Variants in FBXL19 observed in about 807,000 individuals in gnomAD.
FBXL19 encodes the protein F-box/LRR-repeat protein 19.
Under a neutral mutation model 71.2 loss-of-function variants are expected in FBXL19, and 16 were observed. That is an observed-to-expected ratio of 0.22 (90% CI 0.15 to 0.34). The LOEUF (loss-of-function observed/expected upper bound fraction) is 0.34. FBXL19 is among the 10% of genes least tolerant of loss of function. The pLI, the probability that FBXL19 is intolerant of heterozygous loss-of-function variation, is 1.00. For synonymous variants in FBXL19, 447 were observed against 409.4 expected, an observed-to-expected ratio of 1.09 and a Z score of -1.11; for missense variants, 658 against 968.2, an observed-to-expected ratio of 0.68 and a Z score of 4.25.
chr16:30,926,677 TC>T (rs1205499996), intron 2 of FBXL19, among the ~76,000 whole-genome samples: 1 of 151,960 alleles, frequency 6.6e-6, no homozygotes, highest in Non-Finnish European at 1.5e-5. Context: ...TTTTCCTTTA[TC>T]CCCCAACCCC....
At chr16:30,928,053 G>T in intron 5 of FBXL19, 90 bp downstream of exon 5, 1 of 921,464 alleles carries the variant, frequency 1.1e-6, no homozygotes, top group Non-Finnish European at 1.6e-6. Flanking sequence ...GTGGGCCTGG[G>T]AGCGTGCTCT....
At chr16:30,940,241 A>G (rs1015540294) in intron 7 of FBXL19, among the ~76,000 whole-genome samples, 14 of 151,642 alleles carry the variant, frequency 9.2e-5, no homozygotes, top group African/African-American at 3.4e-4. Flanking sequence ...CTGGGCAACA[A>G]GAGCGAAACT....
chr16:30,944,650 C>A (rs1481949205), intron 9 of FBXL19, among the ~76,000 whole-genome samples: 2 of 152,168 alleles, frequency 1.3e-5, no homozygotes, highest in Non-Finnish European at 2.9e-5. Flanking sequence ...CATACACCTT[C>A]AAACTCTTGC....
intron 7 of FBXL19, among the ~76,000 whole-genome samples, chr16:30,931,751 GAGCCTCACTCTGTGGCCC>G (rs1459874515): frequency 6.6e-6 from 1 of 151,956 alleles, no homozygotes; most frequent in African/African-American, 2.4e-5. Flanking sequence ...TTTTAAGACG[GAGCCTCACTCTGTGGCCC>G]AGGTTAGAGT....
chr16:30,943,039 C>T (rs529656099), intron 9 of FBXL19, among the ~76,000 whole-genome samples: 7 of 152,336 alleles, frequency 4.6e-5, no homozygotes, highest in South Asian at 4.1e-4. Flanking sequence ...TGAGGGCAAG[C>T]GCTGGCTGGT....
chr16:30,946,146 G>C lies in FBXL19; in HGVS notation c.1628-584G>C, dbSNP rs1350707732. ...ACTCTTGATGGAACGTGAAGGAATC[G>C]GCATGTCACATGGCAAGACAGCAAG... is the stretch of plus-strand genomic sequence containing the variant. On this transcript the variant is annotated intron_variant, in intron 9 of 10. Transcript: ENST00000338343. This position sits in a 1 kb window ranked among gnomAD's most constrained non-coding sequence, Gnocchi z 6.7. Among the ~76,000 whole-genome samples the C allele has an allele frequency of 2.0e-5, 3 of 152,070 alleles. No homozygotes were observed. The highest frequency in any genetic ancestry group is 1.3e-4 in the Admixed American group (2 of 15,254).
In FBXL19 at chr16:30,928,535, C is replaced by G. The variant is rs755679850; in HGVS notation, c.696C>G (p.Asp232Glu). The G allele has an allele frequency of 8.1e-6, 13 of 1,608,586 alleles. No homozygotes were observed. The South Asian group carries it at 1.4e-4, about 18-fold the overall frequency. The change falls in exon 6 of 11, where the codon GAC becomes GAG. Residue 232 changes from aspartate (D) to glutamate (E), a missense_variant. Asp to Glu is a conservative substitution (Grantham distance 45). Coordinates refer to ENST00000338343, the MANE Select transcript of FBXL19 (RefSeq NM_001382779.1). ...GGDACLLRGS[D>E]PGGPGLLPPR... is the part of the protein sequence containing the mutation. ...ACGCCTGCCTCCTCCGAGGATCGGACCCAGGCGGCCCGGGCCTGCTGCCCC... is the reference window on the plus strand; with the variant it reads ...ACGCCTGCCTCCTCCGAGGATCGGAGCCAGGCGGCCCGGGCCTGCTGCCCC...
In FBXL19 at chr16:30,947,258, T is replaced by G; in HGVS notation, c.*28T>G. On this transcript the variant is annotated 3_prime_UTR_variant, in exon 11 of 11. Transcript: ENST00000338343. Reference sequence around the variant, plus strand: ...GGGCGCCCCCCACCCTCCCCCGGACTCGACAGGAGCCTGGACCTCCGGCTT... The same window carrying G: ...GGGCGCCCCCCACCCTCCCCCGGACGCGACAGGAGCCTGGACCTCCGGCTT... 1 of 1,494,992 alleles carries G rather than the reference T, an allele frequency of 6.7e-7. No homozygotes were observed. Among genetic ancestry groups the G allele is most frequent in the Non-Finnish European group, 9.0e-7 (1 of 1,116,328 alleles). 92.6% of individuals were successfully genotyped at this position (1,494,992 alleles called of 1,614,324 possible). A position where few individuals can be genotyped will look rare whatever the true frequency, so the allele number is the denominator to read the frequency against.
chr16:30,932,900 G>A (rs2055691143), intron 7 of FBXL19, among the ~76,000 whole-genome samples: 1 of 149,642 alleles, frequency 6.7e-6, no homozygotes, highest in African/African-American at 2.5e-5. Context: ...AAGTGCAGTG[G>A]CATGCTCTCG....
At chr16:30,931,284 A>G (rs1164817293) in intron 7 of FBXL19, among the ~76,000 whole-genome samples, 1 of 152,092 alleles carries the variant, frequency 6.6e-6, no homozygotes, top group Non-Finnish European at 1.5e-5. Context: ...CCCCTCATAG[A>G]GCAAGCAGAG....
At chr16:30,927,200 C>A in intron 2 of FBXL19, 108 bp from the exon 3 acceptor site, 1 of 1,175,432 alleles carries the variant, frequency 8.5e-7, no homozygotes, top group Non-Finnish European at 1.2e-6. Flanking sequence ...CCCAGCTTGA[C>A]CCGTGGGTGC....
chr16:30,948,375 A>G lies in FBXL19; in HGVS notation c.*1145A>G, dbSNP rs2055889686. On this transcript the variant is annotated 3_prime_UTR_variant, in exon 11 of 11. Transcript: ENST00000338343. ...CCCGATGCCAGTGCTAAGGCTGGAAATGGCCCCCTCTTAGTTGCCATGGGA... is the reference window on the plus strand; with the variant it reads ...CCCGATGCCAGTGCTAAGGCTGGAAGTGGCCCCCTCTTAGTTGCCATGGGA... 1.3e-5 allele frequency: 2 copies of G among 152,534 alleles called. No homozygotes were observed. The highest frequency in any genetic ancestry group is 1.3e-4 in the Admixed American group (2 of 15,294). The allele number at this position is 152,534 out of a possible 1,614,324, so 9.4% of individuals were successfully genotyped here. A position where few individuals can be genotyped will look rare whatever the true frequency, so the allele number is the denominator to read the frequency against.
rs1424025433 is a variant in FBXL19, at chr16:30,928,177, G to T, written c.627+214G>T. 6.6e-6 allele frequency among the ~76,000 whole-genome samples: 1 copy of T among 152,006 alleles called. No homozygotes were observed. Among genetic ancestry groups the T allele is most frequent in the Admixed American group, 6.6e-5 (1 of 15,266 alleles). The stretch of plus-strand genomic sequence containing the variant: ...CAGGTGAGGTGAGCTGGCACTGCAG[G>T]AAGCTTTGGGAGCCCTGGGTGGGTT... On this transcript the variant is annotated intron_variant, in intron 5 of 10. Transcript: ENST00000338343.
chr16:30,924,750 C>G, intron 1 of FBXL19: 1 of 1,490,930 alleles, frequency 6.7e-7, no homozygotes. Flanking sequence ...TGAAAGTCCC[C>G]GGAAAGGGGG....
intron 7 of FBXL19, among the ~76,000 whole-genome samples, chr16:30,935,583 C>T (rs549587756): frequency 2.6e-5 from 4 of 152,038 alleles, no homozygotes; most frequent in African/African-American, 4.8e-5. Context: ...TGATCATGGT[C>T]GGGTAGGGTC....
At chr16:30,945,849 GAAAAAA>G (rs11464927) in intron 9 of FBXL19, among the ~76,000 whole-genome samples, 36 of 86,828 alleles carry the variant, frequency 4.1e-4, no homozygotes, top group African/African-American at 1.3e-3. Flanking sequence ...CCGTCTCGGG[GAAAAAA>G]AAAAAAAAAA....
Position 30,942,119 on chromosome 16 carries a change from C to T in FBXL19, c.1305C>T (p.Cys435=). The part of the protein sequence containing the change: ...MRVCRTWSRW[C]YDKRLWPRMD... ...GTCTCCCCCCTATGGCCGCCAGGTGCTATGACAAGCGTCTGTGGCCTCGAA... is the reference window on the plus strand; with the variant it reads ...GTCTCCCCCCTATGGCCGCCAGGTGTTATGACAAGCGTCTGTGGCCTCGAA... Residue 435 remains cysteine, a synonymous_variant, in exon 8 of 11, where the codon TGC becomes TGT. Coordinates refer to ENST00000338343, the MANE Select transcript of FBXL19 (RefSeq NM_001382779.1). This position sits in a 1 kb window ranked among gnomAD's most constrained non-coding sequence, Gnocchi z 5.7. 10 of 1,578,554 alleles carry T rather than the reference C, an allele frequency of 6.3e-6. No homozygotes were observed. Among genetic ancestry groups the T allele is most frequent in the Non-Finnish European group, 8.6e-6 (10 of 1,157,736 alleles).
At position 30,930,730 on chromosome 16, in the gene FBXL19, C is replaced by T. The variant is rs2055663750; in HGVS notation, c.1301+146C>T. ...ATGCACAGATTACAGTGCATCCTTCCGTATTTCCCGTGTGCAGGCTACTTT... is the reference window on the plus strand; with the variant it reads ...ATGCACAGATTACAGTGCATCCTTCTGTATTTCCCGTGTGCAGGCTACTTT... On this transcript the variant is annotated intron_variant, in intron 7 of 10. Transcript: ENST00000338343. The surrounding 1 kb of genome is among the most constrained non-coding windows in gnomAD (Gnocchi z 8.5). The T allele has an allele frequency of 3.4e-6, 3 of 874,954 alleles. No homozygotes were observed. Among genetic ancestry groups the T allele is most frequent in the East Asian group, 3.3e-5 (1 of 30,370 alleles). The allele number at this position is 874,954 out of a possible 1,614,324, so 54.2% of individuals were successfully genotyped here. A position where few individuals can be genotyped will look rare whatever the true frequency, so the allele number is the denominator to read the frequency against.
In FBXL19 at chr16:30,928,523, C is replaced by T. The variant is rs373879470; in HGVS notation, c.684C>T (p.Leu228=). The T allele has an allele frequency of 5.3e-4, 855 of 1,608,386 alleles. No homozygotes were observed. Among genetic ancestry groups the T allele is most frequent in the Non-Finnish European group, 6.3e-4 (741 of 1,177,168 alleles). ...LKKVGGDACL[L]RGSDPGGPGL... is the part of the protein sequence containing the mutation. ...AGGTGGGTGGAGACGCCTGCCTCCT[C>T]CGAGGATCGGACCCAGGCGGCCCGG... is the stretch of plus-strand genomic sequence containing the variant. Residue 228 remains leucine, a synonymous_variant, in exon 6 of 11, where the codon CTC becomes CTT. Transcript: ENST00000338343.
Sources: allele counts gnomAD v4.1 joint callset (sites outside exome capture counted in the v4.1 genomes callset), GRCh38; gene constraint gnomAD v4.1.1; non-coding constraint Gnocchi (gnomAD v3.1); transcripts MANE v1.5; gene names NCBI Gene and HGNC (gene_info 2026-07-23, HGNC 2026-07-21).